The following COCH variants were observed in gnomAD, a reference collection of about 807,000 sequenced individuals.
COCH encodes cochlin.
A neutral mutation model predicts 54.8 loss-of-function variants in COCH; 40 were observed. That is an observed-to-expected ratio of 0.73 (90% confidence interval 0.57 to 0.95). The LOEUF is 0.95. COCH is among the 40% of genes least tolerant of loss of function. The pLI, the probability that COCH is intolerant of heterozygous loss-of-function variation, is 0.00. For synonymous variants in COCH, 256 were observed against 237.9 expected, an observed-to-expected ratio of 1.08 and a Z score of -0.70; for missense variants, 605 against 675.0, an observed-to-expected ratio of 0.90 and a Z score of 1.15.
chr14:30,882,539 T>G (rs1346776943), intron 8 of COCH, among the ~76,000 whole-genome samples: 1 of 150,410 alleles, frequency 6.6e-6, no homozygotes, highest in Non-Finnish European at 1.5e-5. Flanking sequence ...TAGCATTTTC[T>G]CATATCACAA....
rs1183582968 is a variant in COCH, at chr14:30,878,852, G to C, written c.281G>C (p.Ser94Thr). 1 of 1,614,026 alleles carries C rather than the reference G, an allele frequency of 6.2e-7. No homozygotes were observed. The highest frequency in any genetic ancestry group is 2.2e-5 in the East Asian group (1 of 44,898). Residue 94 changes from serine (S) to threonine (T), a missense_variant, in exon 5 of 12, where the codon AGC (serine) becomes ACC (threonine). Transcript: ENST00000396618. Reference sequence around the variant, plus strand: ...TCAGGGGGACCTGTACGAGTCTATAGCCTACCTGGTCGAGAAAACTATTCC... The same window carrying C: ...TCAGGGGGACCTGTACGAGTCTATACCCTACCTGGTCGAGAAAACTATTCC... Reference protein sequence around the residue: ...SNSGGPVRVYSLPGRENYSSV... With the variant: ...SNSGGPVRVYTLPGRENYSSV...
intron 11 of COCH, 87 bp from the exon 12 acceptor site, chr14:30,889,529 G>T: frequency 1.7e-6 from 2 of 1,200,428 alleles, no homozygotes; most frequent in Non-Finnish European, 2.5e-6. Flanking sequence ...CTGCAACTAT[G>T]TAACAGTGTA....
At chr14:30,878,687 A>T in intron 4 of COCH, 124 bp from the exon 5 acceptor site, 2 of 1,369,308 alleles carry the variant, frequency 1.5e-6, no homozygotes, top group Non-Finnish European at 2.0e-6. Flanking sequence ...GAATCTTTAG[A>T]TGACTTCCCT....
At chr14:30,879,540 G>T in intron 6 of COCH, 55 bp downstream of exon 6, 1 of 1,557,134 alleles carries the variant, frequency 6.4e-7, no homozygotes, top group South Asian at 1.1e-5. Context: ...TGGAAGTTAT[G>T]AATAAACGTG....
intron 11 of COCH, chr14:30,889,191 C>CT (rs1220903118): frequency 1.2e-5 from 2 of 169,320 alleles, no homozygotes; most frequent in African/African-American, 4.8e-5. Flanking sequence ...GATTGTGACT[C>CT]TGACTCCAGT....
chr14:30,888,948 T>G (rs760466855), intron 11 of COCH, among the ~76,000 whole-genome samples: 14 of 152,144 alleles, frequency 9.2e-5, no homozygotes, highest in Admixed American at 1.3e-4. Flanking sequence ...TGGAAGAAAT[T>G]ACTCCAGTTT....
At chr14:30,894,060 GA>G (rs1031299701), downstream of COCH, 1 of 152,342 alleles carries the variant, frequency 6.6e-6, no homozygotes, top group African/African-American at 2.4e-5. Context: ...CGGAAGACTA[GA>G]AAAAATACTT....
In COCH at chr14:30,877,240, C is replaced by T. The variant is rs148936668; in HGVS notation, c.83-332C>T. ...CACAGTGGCACACCTGTAATCCCAGCTACTAGGGAGTTGGAGGTGGATCAC... is the reference window on the plus strand; with the variant it reads ...CACAGTGGCACACCTGTAATCCCAGTTACTAGGGAGTTGGAGGTGGATCAC... On this transcript the variant is annotated intron_variant, in intron 3 of 11. Coordinates refer to ENST00000396618, the MANE Select transcript of COCH (RefSeq NM_004086.3). The surrounding 1 kb of genome is among the most constrained non-coding windows in gnomAD (Gnocchi z 8.6). 768 of 333,688 alleles carry T rather than the reference C, an allele frequency of 2.3e-3. 6 individuals carry two copies. Among genetic ancestry groups the T allele is most frequent in the African/African-American group, 0.015 (711 of 46,932 alleles). 20.7% of individuals were successfully genotyped at this position (333,688 alleles called of 1,614,324 possible).
chr14:30,878,717 T>G (rs752121705), intron 4 of COCH, 94 bp from the exon 5 acceptor site: 6 of 1,561,276 alleles, frequency 3.8e-6, no homozygotes, highest in Non-Finnish European at 5.3e-6. Context: ...TTTTCTTGAT[T>G]AATCAAAGCA....
chr14:30,890,856 A>G (rs147164220), downstream of COCH, among the ~76,000 whole-genome samples: 2 of 152,086 alleles, frequency 1.3e-5, no homozygotes, highest in African/African-American at 4.8e-5. Context: ...TGGGCAACAT[A>G]GTGAGAACCC....
In COCH at chr14:30,877,378, A is replaced by T. The variant is rs954016767; in HGVS notation, c.83-194A>T. 4 of 628,356 alleles carry T rather than the reference A, an allele frequency of 6.4e-6. 1 individual carries two copies. The highest frequency in any genetic ancestry group is 2.9e-5 in the Admixed American group (1 of 34,652). 38.9% of individuals were successfully genotyped at this position (628,356 alleles called of 1,614,324 possible). A position where few individuals can be genotyped will look rare whatever the true frequency, so the allele number is the denominator to read the frequency against. On this transcript the variant is annotated intron_variant, in intron 3 of 11. Transcript: ENST00000396618. The surrounding 1 kb of genome is among the most constrained non-coding windows in gnomAD (Gnocchi z 8.6). Reference sequence around the variant, plus strand: ...CATTAGAGTTTTATAGTGGCTGGGGACTATATTAAATTGGAAAACAACCTT... The same window carrying T: ...CATTAGAGTTTTATAGTGGCTGGGGTCTATATTAAATTGGAAAACAACCTT...
At chr14:30,884,530 A>C in intron 8 of COCH, 23 bp from the exon 9 acceptor site, 3 of 1,498,036 alleles carry the variant, frequency 2.0e-6, no homozygotes, top group Non-Finnish European at 2.8e-6. Context: ...CTCCCTGAAT[A>C]ACATTTTCTT....
chr14:30,895,379 C>T (rs781354129), downstream of COCH: 33 of 1,570,942 alleles, frequency 2.1e-5, no homozygotes, highest in African/African-American at 5.4e-5. Context: ...TCTGTCCAAG[C>T]AAATCTTGTT....
chr14:30,891,498 T>C (rs1895981394), downstream of COCH, among the ~76,000 whole-genome samples: 1 of 152,330 alleles, frequency 6.6e-6, no homozygotes, highest in East Asian at 1.9e-4. Flanking sequence ...TTTCACTACA[T>C]AAAAATTTGA....
Position 30,877,681 on chromosome 14 carries a change from CAT to C in COCH, c.194_195del (p.Ile65SerfsTer29). On this transcript the variant is annotated frameshift_variant, in exon 4 of 12. Coordinates refer to ENST00000396618, the MANE Select transcript of COCH (RefSeq NM_004086.3). LOFTEE classifies it high-confidence loss of function. The surrounding 1 kb of genome is among the most constrained non-coding windows in gnomAD (Gnocchi z 8.6). ...TTGAGGAATTCTCTGTGTATGGGAACATAGTATATGCTTCTGTATCGAGCATA... is the reference window on the plus strand; with the variant it reads ...TTGAGGAATTCTCTGTGTATGGGAACAGTATATGCTTCTGTATCGAGCATA... Reference protein sequence around the residue: ...PLEEFSVYGNIVYASVSSICG... With the variant: ...PLEEFSVYGNXVYASVSSICG... 1 of 1,614,224 alleles carries C rather than the reference CAT, an allele frequency of 6.2e-7. No individual in the cohort carries two copies. Among genetic ancestry groups the C allele is most frequent in the Non-Finnish European group, 8.5e-7 (1 of 1,180,044 alleles).
downstream of COCH, chr14:30,893,687 T>C (rs1056953238): frequency 6.6e-6 from 1 of 152,260 alleles, no homozygotes; most frequent in African/African-American, 2.4e-5. Context: ...AATCTTCAAG[T>C]GGGGTGAAAT....
intron 4 of COCH, 73 bp from the exon 5 acceptor site, chr14:30,878,737 AC>A: frequency 2.5e-6 from 4 of 1,604,386 alleles, no homozygotes; most frequent in Non-Finnish European, 2.6e-6. Flanking sequence ...AATAGATACA[AC>A]ATGGCACTAT....
At chr14:30,875,415 G>A in intron 3 of COCH, 1 of 597,188 alleles carries the variant, frequency 1.7e-6, no homozygotes, top group Non-Finnish European at 3.0e-6. Flanking sequence ...GGCAGCAGGA[G>A]GTCGAGGAAG....
At chr14:30,876,360 A>G (rs1300030019) in intron 3 of COCH, 1 of 152,236 alleles carries the variant, frequency 6.6e-6, no homozygotes, top group Non-Finnish European at 1.5e-5. Flanking sequence ...AAACTTGAGA[A>G]TATTAACAGT....
Sources: gnomAD v4.1 joint callset for allele counts (sites outside exome capture counted in the v4.1 genomes callset) on GRCh38, gnomAD v4.1.1 for gene constraint, Gnocchi (gnomAD v3.1) non-coding constraint, MANE v1.5 for transcripts, NCBI Gene and HGNC (gene_info 2026-07-23, HGNC 2026-07-21) for gene names.